DOCK5: variants seen among roughly 807,000 people sequenced by gnomAD.
The protein encoded by DOCK5 is dedicator of cytokinesis 5, also known as dedicator of cytokinesis protein 5.
Under a neutral mutation model 251.8 loss-of-function variants are expected in DOCK5, and 142 were observed. The observed-to-expected ratio is 0.56, with a 90% CI of 0.49 to 0.65. The LOEUF (loss-of-function observed/expected upper bound fraction) is 0.65. Among genes scored for constraint, DOCK5 ranks in the 30% least tolerant of loss-of-function variants. The probability of loss-of-function intolerance (pLI) is 0.00; values close to 1 mark genes in which losing one functional copy is unlikely to be tolerated. For synonymous variants in DOCK5, 842 were observed against 835.5 expected (o/e 1.01, Z -0.13); for missense variants, 2,111 against 2,312.3 (o/e 0.91, Z 1.79).
chr8:25,336,163 C>G (rs930897432), intron 21 of DOCK5, 76 bp from the exon 22 acceptor site: 3 of 1,489,158 alleles, frequency 2.0e-6, no homozygotes, highest in Middle Eastern at 3.7e-4. Flanking sequence ...GCCATGTTCC[C>G]CTCTTAGATA....
At position 25,342,521 on chromosome 8, in the gene DOCK5, A is replaced by C. The variant is rs1189041291; in HGVS notation, c.2617+14A>C. 3.2e-6 allele frequency: 5 copies of C among 1,555,836 alleles called. No individual in the cohort carries two copies. The African/African-American group carries it at 6.8e-5, about 21-fold the overall frequency. ...TTCGACAGTCAGGTAAGTCTCCTTC[A>C]AAACTTGCTGCATGAGGTTGCAGTG... On this transcript the variant is annotated intron_variant, in intron 25 of 51. Transcript: ENST00000276440.
chr8:25,317,531 C>T (rs1040489028), intron 14 of DOCK5, among the ~76,000 whole-genome samples: 1 of 152,206 alleles, frequency 6.6e-6, no homozygotes, highest in African/African-American at 2.4e-5. Flanking sequence ...GTGAGCAGAA[C>T]CAAAGGAGAT....
At chr8:25,291,927 A>G (rs1804499214) in intron 5 of DOCK5, 97 bp from the exon 6 acceptor site, 2 of 1,244,070 alleles carry the variant, frequency 1.6e-6, no homozygotes, top group African/African-American at 1.5e-5. Context: ...TCTGTCTGAC[A>G]TTCCCGTTAA....
chr8:25,312,273 A>G (rs184492411), intron 13 of DOCK5, among the ~76,000 whole-genome samples: 33 of 152,334 alleles, frequency 2.2e-4, no homozygotes, highest in African/African-American at 7.7e-4. Context: ...ACAACAAGAC[A>G]CAAATCTGAA....
Position 25,332,690 on chromosome 8 carries a change from C to T in DOCK5, c.2089C>T (p.Leu697=), listed in dbSNP as rs755920684. The part of the protein sequence containing the change: ...ETYDFLVFDA[L]VFIISLIGDI... ...CTATGACTTCCTTGTGTTTGACGCA[C>T]TGGTAAGCAGTTAAACATATTAACT... The change falls in exon 20 of 52, where the codon CTG becomes TTG. Residue 697 remains leucine (L), a splice_region_variant and synonymous_variant. Coordinates refer to ENST00000276440, the MANE Select transcript of DOCK5 (RefSeq NM_024940.8). 6.2e-7 allele frequency: 1 copy of T among 1,609,358 alleles called. No homozygotes were observed. Among genetic ancestry groups the T allele is most frequent in the Non-Finnish European group, 8.5e-7 (1 of 1,177,686 alleles).
At chr8:25,271,589 A>T (rs1350038677) in intron 3 of DOCK5, among the ~76,000 whole-genome samples, 1 of 152,220 alleles carries the variant, frequency 6.6e-6, no homozygotes, top group Non-Finnish European at 1.5e-5. Flanking sequence ...ATTTAGAGTG[A>T]TGATAAAAGG....
intron 37 of DOCK5, chr8:25,375,166 A>C: frequency 4.1e-6 from 1 of 243,948 alleles, no homozygotes; most frequent in Non-Finnish European, 7.1e-6. Context: ...TGCAGCTCAA[A>C]CTGAACAAGG....
chr8:25,195,498 C>A (rs905355542), intron 1 of DOCK5, among the ~76,000 whole-genome samples: 39 of 152,148 alleles, frequency 2.6e-4, no homozygotes, highest in African/African-American at 8.7e-4. Context: ...CCTCCCGGCC[C>A]TGTGGGATCA....
intron 5 of DOCK5, among the ~76,000 whole-genome samples, chr8:25,290,388 AGCCATCCAGG>A (rs1804455597): frequency 6.6e-6 from 1 of 152,250 alleles, no homozygotes; most frequent in Non-Finnish European, 1.5e-5. Flanking sequence ...CTGCATTCAA[AGCCATCCAGG>A]GCCACAGGTT....
intron 39 of DOCK5, among the ~76,000 whole-genome samples, chr8:25,381,976 A>G (rs572988897): frequency 6.6e-6 from 1 of 152,206 alleles, no homozygotes; most frequent in Admixed American, 6.5e-5. Context: ...GACCACCTGC[A>G]TGAACTACAC....
chr8:25,255,943 A>G (rs1912535), intron 2 of DOCK5, among the ~76,000 whole-genome samples: 26,505 of 152,124 alleles, frequency 0.17, 2,595 homozygotes, highest in Admixed American at 0.25. Context: ...ATGGAGTTGA[A>G]TGATTCAACA....
rs1351363099 is a variant in DOCK5, at chr8:25,269,251, A to G, written c.168+366A>G. Among the ~76,000 whole-genome samples the G allele has an allele frequency of 2.6e-5, 4 of 152,164 alleles. No individual in the cohort carries two copies. The East Asian group carries it at 7.7e-4, about 29-fold the overall frequency. The stretch of plus-strand genomic sequence containing the variant: ...TTTACTTCCAATGCTACAATTCCAA[A>G]CTAAAGGATCTCCCCATTTCCACTT... On this transcript the variant is annotated intron_variant, in intron 3 of 51. Transcript: ENST00000276440.
intron 6 of DOCK5, among the ~76,000 whole-genome samples, chr8:25,294,105 C>T (rs1317699641): frequency 1.3e-5 from 2 of 152,176 alleles, no homozygotes; most frequent in Admixed American, 6.5e-5. Flanking sequence ...TGACATTGGC[C>T]TGGAGGTCCC....
At chr8:25,306,509 A>AT (rs1563195978) in intron 11 of DOCK5, among the ~76,000 whole-genome samples, 4 of 152,216 alleles carry the variant, frequency 2.6e-5, no homozygotes, top group Admixed American at 2.6e-4. Flanking sequence ...GATCGAGACC[A>AT]CGGTGAAACC....
At chr8:25,410,476 G>C (rs555352408) in intron 51 of DOCK5, among the ~76,000 whole-genome samples, 1 of 151,856 alleles carries the variant, frequency 6.6e-6, no homozygotes, top group South Asian at 2.1e-4. Flanking sequence ...TTTTTAGGGG[G>C]GCGGGGGCAG....
At position 25,399,537 on chromosome 8, in the gene DOCK5, A is replaced by G. The variant is rs143417333; in HGVS notation, c.4705-374A>G. On this transcript the variant is annotated intron_variant, in intron 45 of 51. Transcript: ENST00000276440. Reference sequence around the variant, plus strand: ...AACTTTTTGCTCTTTCCCTTATAATATCTATGCACTTAATTTAATGATTAG... The same window carrying G: ...AACTTTTTGCTCTTTCCCTTATAATGTCTATGCACTTAATTTAATGATTAG... Among the ~76,000 whole-genome samples, 11 of 152,318 alleles carry G rather than the reference A, an allele frequency of 7.2e-5. No homozygotes were observed. In the East Asian group the frequency reaches 2.1e-3, roughly 29 times the overall value.
At chr8:25,347,340 G>A (rs1800388234) in intron 26 of DOCK5, among the ~76,000 whole-genome samples, 1 of 152,096 alleles carries the variant, frequency 6.6e-6, no homozygotes, top group East Asian at 1.9e-4. Flanking sequence ...AGCCCCTGTA[G>A]CCCACTTACT....
rs1403611341 is a variant in DOCK5, at chr8:25,409,317, G to T, written c.5404+377G>T. 3 of 237,896 alleles carry T rather than the reference G, an allele frequency of 1.3e-5. No homozygotes were observed. The East Asian group carries it at 2.5e-4, about 20-fold the overall frequency. 14.7% of individuals were successfully genotyped at this position (237,896 alleles called of 1,614,324 possible). ...GCTTATAGTCTGGCTTGGGGAACCA[G>T]CAGTGCACAACACTTGAGAAGAATT... is the stretch of plus-strand genomic sequence containing the variant. On this transcript the variant is annotated intron_variant, in intron 50 of 51. Transcript: ENST00000276440.
At chr8:25,396,984 G>T (rs1801356990) in intron 45 of DOCK5, among the ~76,000 whole-genome samples, 1 of 152,176 alleles carries the variant, frequency 6.6e-6, no homozygotes, top group African/African-American at 2.4e-5. Flanking sequence ...ACTTTGGGAA[G>T]CCGAGGCGGG....
Sources: allele counts gnomAD v4.1 joint callset (sites outside exome capture counted in the v4.1 genomes callset), GRCh38; gene constraint gnomAD v4.1.1; transcripts MANE v1.5; gene names NCBI Gene and HGNC (gene_info 2026-07-23, HGNC 2026-07-21).